The following TRMT1L variants were observed in gnomAD, a reference collection of about 807,000 sequenced individuals.
TRMT1L encodes the protein tRNA (guanine(27)-N(2))-dimethyltransferase.
Under a neutral mutation model 81.6 loss-of-function variants are expected in TRMT1L, and 28 were observed. The observed-to-expected ratio is 0.34, with a 90% CI of 0.25 to 0.47. The LOEUF is 0.47. TRMT1L is among the 20% of genes least tolerant of loss of function. The pLI, the probability that TRMT1L is intolerant of heterozygous loss-of-function variation, is 1.00. For missense variants in TRMT1L, 739 were observed against 877.1 expected, an observed-to-expected ratio of 0.84 and a Z score of 1.99; for synonymous variants, 301 against 303.2, an observed-to-expected ratio of 0.99 and a Z score of 0.07.
intron 3 of TRMT1L, among the ~76,000 whole-genome samples, chr1:185,149,711 A>G (rs1303587343): frequency 2.0e-5 from 3 of 152,016 alleles, no homozygotes; most frequent in Admixed American, 6.6e-5. Flanking sequence ...AAATTATAGC[A>G]TTTTCCCAAA....
chr1:185,156,334 A>G (rs1653560378), intron 1 of TRMT1L, 144 bp downstream of exon 1: 1 of 1,572,062 alleles, frequency 6.4e-7, no homozygotes, highest in East Asian at 2.2e-5. Context: ...TTTAGCCGCT[A>G]CACGGGCCCC....
chr1:185,130,562 G>C (rs987537846), intron 10 of TRMT1L, among the ~76,000 whole-genome samples: 3 of 152,196 alleles, frequency 2.0e-5, no homozygotes, highest in Admixed American at 6.5e-5. Flanking sequence ...GCGACGGCCT[G>C]AAAATTGAAG....
intron 14 of TRMT1L, 32 bp from the exon 15 acceptor site, chr1:185,120,303 A>C: frequency 6.7e-7 from 1 of 1,496,362 alleles, no homozygotes; most frequent in Non-Finnish European, 8.9e-7. Context: ...AAAAATAATC[A>C]GGTTCTTGTA....
chr1:185,145,971 C>G (rs143479659), intron 4 of TRMT1L, among the ~76,000 whole-genome samples: 1 of 151,932 alleles, frequency 6.6e-6, no homozygotes. Context: ...TTTCAAGCTA[C>G]AACTGTCATA....
intron 7 of TRMT1L, among the ~76,000 whole-genome samples, chr1:185,143,025 C>T (rs1406036116): frequency 1.3e-5 from 2 of 151,838 alleles, no homozygotes; most frequent in Non-Finnish European, 2.9e-5. Context: ...AAAATCTTTA[C>T]CTTTTAGAGA....
At chr1:185,120,591 A>G (rs955350755) in intron 13 of TRMT1L, 82 bp from the exon 14 acceptor site, 1 of 1,230,218 alleles carries the variant, frequency 8.1e-7, no homozygotes, top group Non-Finnish European at 1.0e-6. Flanking sequence ...TATCTCAAGT[A>G]TAAATCCTGA....
At chr1:185,146,556 A>G (rs1263406700) in intron 4 of TRMT1L, among the ~76,000 whole-genome samples, 2 of 152,028 alleles carry the variant, frequency 1.3e-5, no homozygotes, top group Non-Finnish European at 2.9e-5. Flanking sequence ...TACTACTTAC[A>G]GAATATTTTC....
chr1:185,143,248 G>A, intron 7 of TRMT1L, 109 bp downstream of exon 7: 1 of 949,754 alleles, frequency 1.1e-6, no homozygotes, highest in Non-Finnish European at 1.5e-6. Context: ...TAAAAATTTT[G>A]CCTTGGATCT....
At chr1:185,157,059 C>G (rs1653636798), upstream of TRMT1L, 1 of 288,196 alleles carries the variant, frequency 3.5e-6, no homozygotes, top group Admixed American at 4.9e-5. Context: ...ACCACCAAAC[C>G]GAACAAAGAC....
chr1:185,127,911 C>T (rs774100679), intron 11 of TRMT1L, among the ~76,000 whole-genome samples: 16 of 151,944 alleles, frequency 1.1e-4, no homozygotes, highest in South Asian at 2.1e-4. Flanking sequence ...ATCAGGAGTT[C>T]GAGACCAGCC....
In TRMT1L at chr1:185,123,632, G is replaced by A. The variant is rs539008722; in HGVS notation, c.1822+225C>T. On this transcript the variant is annotated intron_variant, in intron 13 of 14. Transcript: ENST00000367506. The stretch of plus-strand genomic sequence containing the variant: ...CACATGGTTCAAGATCATACAGTTC[G>A]TTCAAAGGGATAACCATATATTACA... Among the ~76,000 whole-genome samples the A allele has an allele frequency of 5.9e-5, 9 of 151,984 alleles. 1 individual carries two copies. The highest frequency in any genetic ancestry group is 1.9e-4 in the East Asian group (1 of 5,184).
intron 3 of TRMT1L, among the ~76,000 whole-genome samples, chr1:185,149,452 GC>G (rs1375432526): frequency 6.6e-6 from 1 of 151,922 alleles, no homozygotes; most frequent in African/African-American, 2.4e-5. Context: ...ACAGGCACAG[GC>G]CACCTCGCCT....
chr1:185,120,177 T>C lies in TRMT1L; in HGVS notation c.2044A>G (p.Met682Val). The C allele has an allele frequency of 6.2e-7, 1 of 1,613,946 alleles. No individual in the cohort carries two copies. The highest frequency in any genetic ancestry group is 8.5e-7 in the Non-Finnish European group (1 of 1,179,916). The stretch of plus-strand genomic sequence containing the variant: ...TTTAAAAGGATAGATTTAAACTGCA[T>C]CAGAGGTGCATCTGTGCGTACACCC... ...PMGVRTDAPL[M>V]QFKSILLKYS... The change falls in exon 15 of 15, where the codon ATG becomes GTG. Residue 682 changes from methionine to valine, a missense_variant. Met to Val is a conservative substitution (Grantham distance 21). Around this residue, in one of 4 missense-constraint regions of TRMT1L, gnomAD observed 196 missense variants for 232.6 expected, o/e 0.84. Coordinates refer to ENST00000367506, the MANE Select transcript of TRMT1L (RefSeq NM_030934.5).
At position 185,156,621 on chromosome 1, in the gene TRMT1L, G is replaced by C; in HGVS notation, c.92C>G (p.Ser31Trp). The C allele has an allele frequency of 3.1e-6, 5 of 1,603,234 alleles. No homozygotes were observed. The highest frequency in any genetic ancestry group is 4.3e-6 in the Non-Finnish European group (5 of 1,174,940). Residue 31 changes from serine (S) to tryptophan (W), a missense_variant, in exon 1 of 15, where the codon TCG (serine) becomes TGG (tryptophan). Coordinates refer to ENST00000367506, the MANE Select transcript of TRMT1L (RefSeq NM_030934.5). ...QVQVPTPARD[S>W]AGVPAPAPDS... ...CGGGGCCGGAGCTGGGACCCCAGCCGAGTCCCGGGCCGGGGTCGGGACCTG... is the reference window on the plus strand; with the variant it reads ...CGGGGCCGGAGCTGGGACCCCAGCCCAGTCCCGGGCCGGGGTCGGGACCTG...
intron 11 of TRMT1L, among the ~76,000 whole-genome samples, chr1:185,125,952 G>C (rs577463463): frequency 2.6e-5 from 4 of 152,204 alleles, no homozygotes; most frequent in African/African-American, 9.6e-5. Flanking sequence ...AGAATTATAT[G>C]TGGTGATGGT....
intron 7 of TRMT1L, among the ~76,000 whole-genome samples, chr1:185,141,630 G>A (rs1002401535): frequency 2.0e-5 from 3 of 152,174 alleles, no homozygotes; most frequent in African/African-American, 7.2e-5. Flanking sequence ...CTTGAACCCA[G>A]GAGGCGGAGG....
intron 11 of TRMT1L, among the ~76,000 whole-genome samples, chr1:185,127,599 A>G (rs893084529): frequency 6.6e-6 from 1 of 151,902 alleles, no homozygotes. Flanking sequence ...CTCTACTAAA[A>G]AAATACAAAA....
intron 10 of TRMT1L, among the ~76,000 whole-genome samples, chr1:185,137,135 G>C (rs1407554): frequency 0.1 from 15,186 of 152,132 alleles, 979 homozygotes; most frequent in East Asian, 0.25. Context: ...CAAACAGAAA[G>C]AGCTTTATGA....
chr1:185,128,772 A>C, intron 10 of TRMT1L, 25 bp from the exon 11 acceptor site: 1 of 1,571,686 alleles, frequency 6.4e-7, no homozygotes, highest in African/African-American at 1.4e-5. Flanking sequence ...TAAAAGGAGA[A>C]ATCAAAGGAG....
Sources: gnomAD v4.1 joint callset for allele counts (sites outside exome capture counted in the v4.1 genomes callset) on GRCh38, gnomAD v4.1.1 for gene constraint, gnomAD v4.1.1 regional missense constraint, MANE v1.5 for transcripts, NCBI Gene and HGNC (gene_info 2026-07-23, HGNC 2026-07-21) for gene names.